NR3C2: variants seen among roughly 807,000 people sequenced by gnomAD.
NR3C2 encodes mineralocorticoid receptor.
NR3C2 carries 15 observed loss-of-function variants against 86.4 expected under a neutral mutation model. The ratio of observed to expected loss-of-function variants is 0.17; its 90% confidence interval spans 0.12 to 0.27. The LOEUF (loss-of-function observed/expected upper bound fraction) is 0.27, where lower values mean the gene tolerates loss of function less well. Among genes scored for constraint, NR3C2 ranks in the 10% least tolerant of loss-of-function variants. NR3C2 has a pLI of 1.00. For missense variants in NR3C2, 960 were observed against 1,195.6 expected (o/e 0.80, Z 2.91); for synonymous variants, 458 against 450.5 (o/e 1.02, Z -0.21).
chr4:148,260,238 C>A, intron 2 of NR3C2, 121 bp from the exon 3 acceptor site: 2 of 1,225,330 alleles, frequency 1.6e-6, no homozygotes, highest in South Asian at 2.6e-5. Flanking sequence ...TGTGTAATGA[C>A]CACATACTAT....
chr4:148,174,522 A>G (rs1014915718), intron 4 of NR3C2, among the ~76,000 whole-genome samples: 1 of 152,154 alleles, frequency 6.6e-6, no homozygotes, highest in Admixed American at 6.5e-5. Flanking sequence ...TTTCTGTCTG[A>G]CTGTACTGAT....
chr4:148,154,014 C>CT (rs5862828), intron 5 of NR3C2, among the ~76,000 whole-genome samples: 29,482 of 145,200 alleles, frequency 0.2, 3,168 homozygotes, highest in Middle Eastern at 0.32. Context: ...TTTTTAATTT[C>CT]TTTTTTTTTT....
At chr4:148,281,057 A>C (rs927501729) in intron 2 of NR3C2, among the ~76,000 whole-genome samples, 1 of 152,186 alleles carries the variant, frequency 6.6e-6, no homozygotes, top group African/African-American at 2.4e-5. Flanking sequence ...TGAGAATTCC[A>C]CTTAGTGTCT....
chr4:148,140,091 G>A (rs1048594638), intron 6 of NR3C2, among the ~76,000 whole-genome samples: 4 of 152,210 alleles, frequency 2.6e-5, no homozygotes, highest in African/African-American at 9.6e-5. Context: ...GTCAAGGGGG[G>A]AGTCTGGAGC....
At position 148,079,423 on chromosome 4, in the gene NR3C2, GA is replaced by G. The variant is rs1203739773; in HGVS notation, c.*1920del. ...TGTTGCCTGCATGGTGAACCCTGGAGAAAAGTGTTGATCTAATTAATTGCTG... is the reference window on the plus strand; with the variant it reads ...TGTTGCCTGCATGGTGAACCCTGGAGAAAGTGTTGATCTAATTAATTGCTG... On this transcript the variant is annotated 3_prime_UTR_variant, in exon 9 of 9. Coordinates refer to ENST00000358102, the MANE Select transcript of NR3C2 (RefSeq NM_000901.5). The G allele has an allele frequency of 2.0e-5, 3 of 152,380 alleles. No homozygotes were observed. Among genetic ancestry groups the G allele is most frequent in the Non-Finnish European group, 4.4e-5 (3 of 68,044 alleles). The allele number at this position is 152,380 out of a possible 1,614,324, so 9.4% of individuals were successfully genotyped here.
chr4:148,202,942 TC>T (rs916960449), intron 3 of NR3C2, among the ~76,000 whole-genome samples: 1 of 152,226 alleles, frequency 6.6e-6, no homozygotes, highest in Non-Finnish European at 1.5e-5. Flanking sequence ...GTTTTTGTTT[TC>T]CTTCTAAAAA....
chr4:148,277,793 C>T (rs1418901754), intron 2 of NR3C2, among the ~76,000 whole-genome samples: 2 of 152,142 alleles, frequency 1.3e-5, no homozygotes, highest in Admixed American at 1.3e-4. Flanking sequence ...GCATTCATGC[C>T]AGACACCCTG....
chr4:148,321,061 G>T (rs1743554356), intron 2 of NR3C2, among the ~76,000 whole-genome samples: 2 of 151,312 alleles, frequency 1.3e-5, no homozygotes, highest in Admixed American at 1.3e-4. Flanking sequence ...GCGTCCCAGA[G>T]ATTCTGGTAT....
At chr4:148,252,021 G>A (rs1739602522) in intron 3 of NR3C2, among the ~76,000 whole-genome samples, 1 of 152,098 alleles carries the variant, frequency 6.6e-6, no homozygotes, top group Non-Finnish European at 1.5e-5. Flanking sequence ...GGCTGCCTGG[G>A]TTCAAATCCC....
chr4:148,255,871 A>G (rs1288375590), intron 3 of NR3C2, among the ~76,000 whole-genome samples: 1 of 152,242 alleles, frequency 6.6e-6, no homozygotes, highest in Non-Finnish European at 1.5e-5. Context: ...CAAAAGGCCT[A>G]CACAAATTCT....
At chr4:148,235,493 A>T (rs768411585) in intron 3 of NR3C2, among the ~76,000 whole-genome samples, 1 of 152,126 alleles carries the variant, frequency 6.6e-6, no homozygotes, top group Non-Finnish European at 1.5e-5. Context: ...TTTCATAAAA[A>T]TAAGAATTAA....
Position 148,351,618 on chromosome 4 carries a change from G to A in NR3C2, c.1757+83486C>T, listed in dbSNP as rs750439745. The stretch of plus-strand genomic sequence containing the variant: ...GCTTAGTAACAGCCTTGGAAGAGAT[G>A]TGAGCCACTTGAGAGCAGGGCGAGG... On this transcript the variant is annotated intron_variant, in intron 2 of 8. Transcript: ENST00000358102. Among the ~76,000 whole-genome samples the A allele has an allele frequency of 2.6e-5, 4 of 152,304 alleles. No individual in the cohort carries two copies. In the East Asian group the frequency reaches 7.7e-4, roughly 29 times the overall value.
At chr4:148,176,124 A>T (rs990433806) in intron 4 of NR3C2, among the ~76,000 whole-genome samples, 10 of 152,268 alleles carry the variant, frequency 6.6e-5, no homozygotes, top group Admixed American at 5.2e-4. Flanking sequence ...GAGATGAAAG[A>T]AAGTCAGCTG....
chr4:148,276,411 C>T (rs890566216), intron 2 of NR3C2, among the ~76,000 whole-genome samples: 1 of 152,032 alleles, frequency 6.6e-6, no homozygotes, highest in Non-Finnish European at 1.5e-5. Flanking sequence ...ACTCAGAATA[C>T]ACTAATGAAA....
chr4:148,428,775 CA>C (rs938084790), intron 2 of NR3C2, among the ~76,000 whole-genome samples: 1 of 152,124 alleles, frequency 6.6e-6, no homozygotes, highest in Non-Finnish European at 1.5e-5. Flanking sequence ...TCCTTCTACA[CA>C]GCTGAAATAA....
intron 8 of NR3C2, among the ~76,000 whole-genome samples, chr4:148,109,044 A>G (rs1193025482): frequency 1.3e-5 from 2 of 152,176 alleles, no homozygotes; most frequent in Non-Finnish European, 2.9e-5. Context: ...TCATAATGGC[A>G]GCGTCCGGAG....
intron 2 of NR3C2, among the ~76,000 whole-genome samples, chr4:148,353,492 A>G (rs1326702113): frequency 6.6e-6 from 1 of 152,152 alleles, no homozygotes; most frequent in African/African-American, 2.4e-5. Flanking sequence ...TAACACTGGA[A>G]AATGTTCATG....
intron 5 of NR3C2, among the ~76,000 whole-genome samples, chr4:148,153,340 A>G (rs886826263): frequency 2.0e-5 from 3 of 152,054 alleles, no homozygotes; most frequent in African/African-American, 7.2e-5. Context: ...AGGACGCCCA[A>G]CTAAATTTTG....
chr4:148,247,944 C>T (rs935164331), intron 3 of NR3C2, among the ~76,000 whole-genome samples: 5 of 151,830 alleles, frequency 3.3e-5, no homozygotes, highest in Admixed American at 6.6e-5. Flanking sequence ...TGTCAGATGC[C>T]GGTTACATTA....
Sources: allele counts gnomAD v4.1 joint callset (sites outside exome capture counted in the v4.1 genomes callset), GRCh38; gene constraint gnomAD v4.1.1; transcripts MANE v1.5; gene names NCBI Gene and HGNC (gene_info 2026-07-23, HGNC 2026-07-21).